Variants in GFRA1 observed in about 807,000 individuals in gnomAD.
GFRA1 encodes the protein GDNF family receptor alpha-1.
Under a neutral mutation model 51.6 loss-of-function variants are expected in GFRA1, and 16 were observed. The ratio of observed to expected loss-of-function variants is 0.31; its 90% CI spans 0.21 to 0.47. GFRA1 has a LOEUF of 0.47. Ranked by LOEUF, GFRA1 falls within the 20% of genes least tolerant of loss-of-function variation. The probability of loss-of-function intolerance (pLI) is 1.00; values close to 1 mark genes in which losing one functional copy is unlikely to be tolerated. For synonymous variants in GFRA1, 270 were observed against 241.3 expected, an observed-to-expected ratio of 1.12 and a Z score of -1.10; for missense variants, 530 against 594.3, an observed-to-expected ratio of 0.89 and a Z score of 1.13.
chr10:116,181,672 GTA>G (rs1159953288), intron 5 of GFRA1, among the ~76,000 whole-genome samples: 11 of 151,022 alleles, frequency 7.3e-5, no homozygotes, highest in African/African-American at 2.7e-4. Flanking sequence ...GAGTCTCACT[GTA>G]TCACCCAGGC....
chr10:116,263,541 G>T (rs1177946217), intron 4 of GFRA1, among the ~76,000 whole-genome samples: 1 of 152,170 alleles, frequency 6.6e-6, no homozygotes, highest in African/African-American at 2.4e-5. Context: ...ACCAGCAGGT[G>T]CAAAGGTACG....
chr10:116,201,751 T>C (rs1370394824), intron 5 of GFRA1, among the ~76,000 whole-genome samples: 3 of 152,158 alleles, frequency 2.0e-5, no homozygotes, highest in Non-Finnish European at 4.4e-5. Flanking sequence ...TCCCTGACCA[T>C]GCCTTGTACA....
chr10:116,216,890 T>C (rs192886742), intron 4 of GFRA1, among the ~76,000 whole-genome samples: 10 of 152,304 alleles, frequency 6.6e-5, no homozygotes, highest in African/African-American at 2.2e-4. Context: ...AGTTCACCAT[T>C]AACCAAAGTC....
intron 5 of GFRA1, among the ~76,000 whole-genome samples, chr10:116,149,270 A>G (rs1035055732): frequency 2.0e-5 from 3 of 152,206 alleles, no homozygotes; most frequent in African/African-American, 2.4e-5. Context: ...AAAATCCTTC[A>G]TAACAGTTGA....
intron 5 of GFRA1, among the ~76,000 whole-genome samples, chr10:116,151,374 C>A (rs1959057877): frequency 6.6e-6 from 1 of 152,038 alleles, no homozygotes; most frequent in South Asian, 2.1e-4. Flanking sequence ...ATGAGGAAAC[C>A]CCTGGCAGAG....
chr10:116,182,280 A>C (rs1424460656), intron 5 of GFRA1, among the ~76,000 whole-genome samples: 1 of 152,222 alleles, frequency 6.6e-6, no homozygotes, highest in Non-Finnish European at 1.5e-5. Flanking sequence ...AATAATAGTA[A>C]TTAATACAGC....
At chr10:116,228,977 T>A (rs1427972398) in intron 4 of GFRA1, among the ~76,000 whole-genome samples, 6 of 29,738 alleles carry the variant, frequency 2.0e-4, no homozygotes, top group Non-Finnish European at 2.7e-4. Flanking sequence ...CAATACTCCA[T>A]CTCAAAAAAA....
At chr10:116,258,010 G>C (rs1293772295) in intron 4 of GFRA1, among the ~76,000 whole-genome samples, 2 of 152,080 alleles carry the variant, frequency 1.3e-5, no homozygotes, top group Non-Finnish European at 1.5e-5. Context: ...CAGCTTAAAA[G>C]TCCCCTTTTG....
At chr10:116,173,355 TG>T (rs1187059031) in intron 5 of GFRA1, among the ~76,000 whole-genome samples, 1 of 152,016 alleles carries the variant, frequency 6.6e-6, no homozygotes, top group African/African-American at 2.4e-5. Flanking sequence ...GGAGGGTTGA[TG>T]GGGGTATGAT....
intron 5 of GFRA1, among the ~76,000 whole-genome samples, chr10:116,174,598 C>G (rs767714281): frequency 1.3e-5 from 2 of 152,110 alleles, no homozygotes; most frequent in Non-Finnish European, 2.9e-5. Context: ...TTTAAGAAGG[C>G]TCTCATAGCT....
intron 9 of GFRA1, among the ~76,000 whole-genome samples, chr10:116,082,810 T>TA (rs1198697515): frequency 6.6e-6 from 1 of 152,102 alleles, no homozygotes; most frequent in Non-Finnish European, 1.5e-5. Flanking sequence ...GAAGACACAA[T>TA]ACAATCTAAA....
chr10:116,074,304 A>G (rs1013300950), intron 9 of GFRA1, among the ~76,000 whole-genome samples: 1 of 152,176 alleles, frequency 6.6e-6, no homozygotes, highest in Non-Finnish European at 1.5e-5. Context: ...CAGGCTGTCC[A>G]TTATCTCCTA....
intron 5 of GFRA1, among the ~76,000 whole-genome samples, chr10:116,144,080 T>C (rs1565607277): frequency 1.3e-5 from 2 of 152,166 alleles, no homozygotes; most frequent in Non-Finnish European, 2.9e-5. Context: ...AGTGAGTTGG[T>C]CTGAGGTGAG....
At position 116,125,337 on chromosome 10, in the gene GFRA1, G is replaced by A. The variant is rs1455030814; in HGVS notation, c.654C>T (p.Asp218=). ...GTCGCCTCCGCTCTGTGCAGGCGAT[G>A]TCCCGGCAGGAGCAGAAGAGCATTC... ...SYGMLFCSCR[D]IACTERRRQT... The change falls in exon 6 of 11, where the codon GAC becomes GAT. Residue 218 remains aspartate (D), a synonymous_variant. Coordinates refer to ENST00000355422, the MANE Select transcript of GFRA1 (RefSeq NM_005264.8). The A allele has an allele frequency of 3.1e-6, 5 of 1,614,090 alleles. No individual in the cohort carries two copies. Among genetic ancestry groups the A allele is most frequent in the Non-Finnish European group, 3.4e-6 (4 of 1,180,022 alleles).
chr10:116,115,765 C>G (rs950814628), intron 6 of GFRA1, among the ~76,000 whole-genome samples: 2 of 152,078 alleles, frequency 1.3e-5, no homozygotes, highest in Non-Finnish European at 2.9e-5. Flanking sequence ...AAAAAATGAT[C>G]ATGAAATTTA....
chr10:116,230,578 T>C (rs1307230170), intron 4 of GFRA1, among the ~76,000 whole-genome samples: 1 of 152,118 alleles, frequency 6.6e-6, no homozygotes, highest in Non-Finnish European at 1.5e-5. Context: ...CCAGCTAGTG[T>C]AGGGAAGAGT....
At chr10:116,251,631 C>T (rs1257064784) in intron 4 of GFRA1, among the ~76,000 whole-genome samples, 12 of 152,218 alleles carry the variant, frequency 7.9e-5, no homozygotes, top group Admixed American at 6.5e-5. Flanking sequence ...TGCCAGCCTT[C>T]CAGGAGTTTA....
intron 5 of GFRA1, among the ~76,000 whole-genome samples, chr10:116,145,174 A>AT (rs1325370373): frequency 2.8e-5 from 4 of 144,116 alleles, no homozygotes; most frequent in African/African-American, 1.0e-4. Flanking sequence ...AAAAAAAAAG[A>AT]TTAAAAACTT....
intron 5 of GFRA1, among the ~76,000 whole-genome samples, chr10:116,139,909 C>A (rs1958492128): frequency 6.6e-6 from 1 of 152,226 alleles, no homozygotes; most frequent in Non-Finnish European, 1.5e-5. Flanking sequence ...AGCCAGATTT[C>A]TGTGATTTAG....
Sources: gnomAD v4.1 joint callset for allele counts (sites outside exome capture counted in the v4.1 genomes callset) on GRCh38, gnomAD v4.1.1 for gene constraint, MANE v1.5 for transcripts, NCBI Gene and HGNC (gene_info 2026-07-23, HGNC 2026-07-21) for gene names.